The following CNTN4 variants were observed in gnomAD, a reference collection of about 807,000 sequenced individuals.
The protein encoded by CNTN4 is contactin 4, also known as contactin-4.
A neutral mutation model predicts 122.5 loss-of-function variants in CNTN4; 77 were observed. The ratio of observed to expected loss-of-function variants is 0.63; its 90% confidence interval spans 0.52 to 0.76. CNTN4 has a LOEUF of 0.76. Ranked by LOEUF, CNTN4 falls within the 30% of genes least tolerant of loss-of-function variation. The pLI is 0.00. For synonymous variants in CNTN4, 512 were observed against 447.0 expected (o/e 1.15, Z -1.83); for missense variants, 1,256 against 1,259.1 (o/e 1.00, Z 0.04).
intron 4 of CNTN4, among the ~76,000 whole-genome samples, chr3:2,668,403 T>C (rs1163378478): frequency 6.6e-6 from 1 of 152,192 alleles, no homozygotes; most frequent in Non-Finnish European, 1.5e-5. Context: ...TGTCTGTTAT[T>C]GGTATATAAG....
At chr3:2,294,325 C>A (rs2042232617) in intron 2 of CNTN4, among the ~76,000 whole-genome samples, 1 of 141,638 alleles carries the variant, frequency 7.1e-6, no homozygotes, top group Non-Finnish European at 1.6e-5. Context: ...CACTCAAGAG[C>A]TTGTTAAGAA....
intron 3 of CNTN4, among the ~76,000 whole-genome samples, chr3:2,361,464 T>G (rs749665654): frequency 3.3e-5 from 5 of 152,170 alleles, no homozygotes; most frequent in Non-Finnish European, 5.9e-5. Flanking sequence ...CAAGAAAGAA[T>G]CATCTGGCCA....
chr3:3,043,512 G>C, intron 22 of CNTN4, 80 bp from the exon 23 acceptor site: 2 of 1,133,446 alleles, frequency 1.8e-6, no homozygotes, highest in South Asian at 2.6e-5. Flanking sequence ...CTCCACTCTC[G>C]AATTCTAGTA....
intron 3 of CNTN4, among the ~76,000 whole-genome samples, chr3:2,557,589 C>T (rs1349853857): frequency 4.6e-5 from 7 of 152,014 alleles, no homozygotes; most frequent in African/African-American, 9.6e-5. Context: ...ATTAGCTGGG[C>T]GTGGTGGCGG....
intron 3 of CNTN4, among the ~76,000 whole-genome samples, chr3:2,522,186 TGTGTGA>T: frequency 6.7e-6 from 1 of 150,316 alleles, no homozygotes; most frequent in Non-Finnish European, 1.5e-5. Context: ...TGTGTGTGTG[TGTGTGA>T]ATAATTAATA....
chr3:2,598,092 A>T (rs2080857564), intron 4 of CNTN4, among the ~76,000 whole-genome samples: 1 of 151,998 alleles, frequency 6.6e-6, no homozygotes, highest in Non-Finnish European at 1.5e-5. Context: ...GTTGCAGCAC[A>T]CTGTGAATTC....
intron 3 of CNTN4, among the ~76,000 whole-genome samples, chr3:2,535,779 T>A (rs2077779441): frequency 6.6e-6 from 1 of 152,114 alleles, no homozygotes; most frequent in East Asian, 1.9e-4. Flanking sequence ...AGAGAAAACC[T>A]TTTTTTGTCC....
chr3:2,111,237 A>C (rs1349106531), intron 2 of CNTN4, among the ~76,000 whole-genome samples: 2 of 152,228 alleles, frequency 1.3e-5, no homozygotes, highest in African/African-American at 4.8e-5. Flanking sequence ...TTGAGAATTC[A>C]TAGTTCTGTT....
At chr3:2,265,376 A>G (rs567862745) in intron 2 of CNTN4, among the ~76,000 whole-genome samples, 5 of 152,190 alleles carry the variant, frequency 3.3e-5, no homozygotes, top group African/African-American at 1.2e-4. Context: ...CTGTAAGTAC[A>G]TGGATTTATT....
At chr3:2,350,310 A>T (rs958898499) in intron 3 of CNTN4, among the ~76,000 whole-genome samples, 4 of 152,200 alleles carry the variant, frequency 2.6e-5, no homozygotes, top group African/African-American at 9.7e-5. Context: ...TGTAAAAAAC[A>T]AGGATTAGGA....
At chr3:2,891,124 A>G (rs1271170608) in intron 10 of CNTN4, among the ~76,000 whole-genome samples, 1 of 152,188 alleles carries the variant, frequency 6.6e-6, no homozygotes, top group Non-Finnish European at 1.5e-5. Context: ...AAGCAAATAA[A>G]TTAACTAGGA....
At chr3:2,927,334 C>G (rs1346767507) in intron 13 of CNTN4, 1 of 455,886 alleles carries the variant, frequency 2.2e-6, no homozygotes, top group African/African-American at 2.0e-5. Context: ...CTGCTCCTCT[C>G]TAAGGCCAGC....
intron 13 of CNTN4, among the ~76,000 whole-genome samples, chr3:2,972,676 A>G (rs1337729646): frequency 1.3e-5 from 2 of 152,128 alleles, no homozygotes; most frequent in African/African-American, 4.8e-5. Flanking sequence ...ATTTTTCAAT[A>G]AATGTAGTGT....
chr3:2,386,200 A>T (rs1027322502), intron 3 of CNTN4, among the ~76,000 whole-genome samples: 3 of 151,530 alleles, frequency 2.0e-5, no homozygotes, highest in Non-Finnish European at 4.4e-5. Flanking sequence ...GAACTCAAAC[A>T]TTCTCTGAAT....
At chr3:2,271,027 G>A (rs952146039) in intron 2 of CNTN4, among the ~76,000 whole-genome samples, 1 of 151,966 alleles carries the variant, frequency 6.6e-6, no homozygotes, top group African/African-American at 2.4e-5. Context: ...ATTAACTTAG[G>A]GACCTCTCTG....
intron 2 of CNTN4, among the ~76,000 whole-genome samples, chr3:2,216,837 C>T (rs1461917856): frequency 7.2e-5 from 11 of 152,158 alleles, no homozygotes; most frequent in Non-Finnish European, 1.3e-4. Context: ...CTTGCGGTCT[C>T]AGTCTTATCA....
At chr3:2,744,347 A>G (rs2089639331) in intron 5 of CNTN4, among the ~76,000 whole-genome samples, 1 of 150,238 alleles carries the variant, frequency 6.7e-6, no homozygotes, top group Non-Finnish European at 1.5e-5. Flanking sequence ...CAAGAATGTT[A>G]TAAGATGATA....
At chr3:2,420,828 T>C (rs187944994) in intron 3 of CNTN4, among the ~76,000 whole-genome samples, 1 of 152,322 alleles carries the variant, frequency 6.6e-6, no homozygotes, top group East Asian at 1.9e-4. Context: ...ATACTTGTTT[T>C]AGAGTCTGCT....
At chr3:2,799,736 A>T (rs958117131) in intron 6 of CNTN4, among the ~76,000 whole-genome samples, 28 of 152,108 alleles carry the variant, frequency 1.8e-4, no homozygotes, top group Non-Finnish European at 4.0e-4. Context: ...TTAGAAAAAA[A>T]TTTTAATTTT....
Sources: gnomAD v4.1 joint callset for allele counts (sites outside exome capture counted in the v4.1 genomes callset) on GRCh38, gnomAD v4.1.1 for gene constraint, MANE v1.5 for transcripts, NCBI Gene and HGNC (gene_info 2026-07-23, HGNC 2026-07-21) for gene names.